KTN1: variants seen among roughly 807,000 people sequenced by gnomAD.
The protein encoded by KTN1 is kinectin 1.
Under a neutral mutation model 222.5 loss-of-function variants are expected in KTN1, and 130 were observed. The ratio of observed to expected loss-of-function variants is 0.58; its 90% confidence interval spans 0.51 to 0.68. The LOEUF (loss-of-function observed/expected upper bound fraction) is 0.68, where lower values mean the gene tolerates loss of function less well. Among genes scored for constraint, KTN1 ranks in the 30% least tolerant of loss-of-function variants. The pLI, the probability that KTN1 is intolerant of heterozygous loss-of-function variation, is 0.00. For missense variants in KTN1, 1,508 were observed against 1,500.4 expected, an observed-to-expected ratio of 1.01 and a Z score of -0.08; for synonymous variants, 512 against 496.3, an observed-to-expected ratio of 1.03 and a Z score of -0.42.
At position 55,652,941 on chromosome 14, in the gene KTN1, G is replaced by T; in HGVS notation, c.2694+1G>T. 6.2e-7 allele frequency: 1 copy of T among 1,606,926 alleles called. No homozygotes were observed. Among genetic ancestry groups the T allele is most frequent in the Non-Finnish European group, 8.5e-7 (1 of 1,175,280 alleles). The stretch of plus-strand genomic sequence containing the variant: ...AGCCAATACAGGGAAGTGGTTACAG[G>T]TGAGAAATTAAAAACAATAAAAAAT... On this transcript the variant is annotated splice_donor_variant, in intron 26 of 43. Transcript: ENST00000395314. LOFTEE classifies it high-confidence loss of function.
intron 20 of KTN1, among the ~76,000 whole-genome samples, chr14:55,648,321 T>A (rs2042600337): frequency 6.6e-6 from 1 of 152,234 alleles, no homozygotes; most frequent in African/African-American, 2.4e-5. Context: ...TAGATACTAT[T>A]GTTATAGTTT....
intron 7 of KTN1, among the ~76,000 whole-genome samples, chr14:55,632,554 G>A (rs80163797): frequency 0.09 from 13,651 of 151,414 alleles, 887 homozygotes; most frequent in Non-Finnish European, 0.13. Flanking sequence ...GGAGTTATTC[G>A]TTAAAAGGTG....
chr14:55,626,186 C>T (rs370192330), intron 5 of KTN1, among the ~76,000 whole-genome samples: 6 of 151,720 alleles, frequency 4.0e-5, no homozygotes, highest in South Asian at 2.1e-4. Flanking sequence ...TGCCTACCTT[C>T]GTTGTCTTTT....
chr14:55,659,545 A>G, intron 30 of KTN1, 121 bp from the exon 31 acceptor site: 1 of 689,036 alleles, frequency 1.5e-6, no homozygotes, highest in Non-Finnish European at 2.6e-6. Flanking sequence ...GGTTACTGGC[A>G]TATGAAATAT....
In KTN1 at chr14:55,616,572, A is replaced by G. The variant is rs1594864583; in HGVS notation, c.579A>G (p.Ala193=). 1.2e-6 allele frequency: 2 copies of G among 1,608,426 alleles called. No homozygotes were observed. Among genetic ancestry groups the G allele is most frequent in the Middle Eastern group, 1.7e-4 (1 of 5,980 alleles). Residue 193 remains alanine (A), a synonymous_variant, in exon 3 of 44, where the codon GCA becomes GCG. Coordinates refer to ENST00000395314, the MANE Select transcript of KTN1 (RefSeq NM_001079521.2). ...TLMVPSKRQE[A]LPLHQETKQE... Reference sequence around the variant, plus strand: ...TGGTACCATCAAAAAGGCAAGAAGCATTGCCCCTCCACCAAGAGACTAAAC... The same window carrying G: ...TGGTACCATCAAAAAGGCAAGAAGCGTTGCCCCTCCACCAAGAGACTAAAC...
At chr14:55,675,971 C>A in intron 41 of KTN1, 53 bp downstream of exon 41, 1 of 1,185,068 alleles carries the variant, frequency 8.4e-7, no homozygotes, top group South Asian at 1.3e-5. Flanking sequence ...GTTGTGTGTT[C>A]AATCTTAAGC....
intron 40 of KTN1, 91 bp from the exon 41 acceptor site, chr14:55,675,744 C>T: frequency 1.3e-6 from 1 of 787,506 alleles, no homozygotes. Context: ...TAACTGTTAG[C>T]AGTCCCATTC....
intron 1 of KTN1, among the ~76,000 whole-genome samples, chr14:55,581,230 T>C (rs10142497): frequency 0.08 from 12,188 of 152,208 alleles, 534 homozygotes; most frequent in South Asian, 0.12. Context: ...GTGCACTAGA[T>C]GTGGGCAGCC....
At chr14:55,633,435 CTT>C (rs1212998686) in intron 8 of KTN1, 94 bp downstream of exon 8, 7 of 694,058 alleles carry the variant, frequency 1.0e-5, no homozygotes, top group Admixed American at 3.8e-5. Flanking sequence ...ATTGGTTAGA[CTT>C]TTGTGTTTTT....
chr14:55,658,437 G>T, intron 29 of KTN1, 109 bp from the exon 30 acceptor site: 1 of 690,338 alleles, frequency 1.4e-6, no homozygotes, highest in Non-Finnish European at 2.6e-6. Flanking sequence ...TAAAATTATT[G>T]CTATTTTGGA....
At chr14:55,606,591 CTA>C (rs758590227) in intron 1 of KTN1, among the ~76,000 whole-genome samples, 23 of 150,478 alleles carry the variant, frequency 1.5e-4, no homozygotes, top group Non-Finnish European at 3.3e-4. Context: ...AACTGAAACA[CTA>C]TAGTAAAAAA....
chr14:55,679,255 C>T (rs746177350), intron 42 of KTN1: 25 of 252,294 alleles, frequency 9.9e-5, no homozygotes, highest in Middle Eastern at 1.2e-3. Flanking sequence ...CTTTCTTTTG[C>T]GGGGCAAATT....
At chr14:55,618,369 C>T (rs1432830197) in intron 4 of KTN1, among the ~76,000 whole-genome samples, 2 of 152,072 alleles carry the variant, frequency 1.3e-5, no homozygotes, top group Non-Finnish European at 2.9e-5. Flanking sequence ...GATTATTTCC[C>T]AGCTACTACT....
intron 28 of KTN1, among the ~76,000 whole-genome samples, chr14:55,654,875 G>T (rs1167069537): frequency 6.6e-6 from 1 of 151,962 alleles, no homozygotes; most frequent in Admixed American, 6.6e-5. Flanking sequence ...CCACATCCCG[G>T]CAGCACCCCC....
At chr14:55,619,957 A>G (rs2038917217) in intron 5 of KTN1, among the ~76,000 whole-genome samples, 1 of 152,196 alleles carries the variant, frequency 6.6e-6, no homozygotes, top group South Asian at 2.1e-4. Flanking sequence ...ATCCGAGACA[A>G]GGCAAGTCCC....
chr14:55,667,444 T>C, intron 34 of KTN1, 114 bp downstream of exon 34: 1 of 538,006 alleles, frequency 1.9e-6, no homozygotes. Context: ...TCTTGATCTT[T>C]CCTATTGTTA....
At chr14:55,678,274 A>C in intron 41 of KTN1, 78 bp from the exon 42 acceptor site, 4 of 912,040 alleles carry the variant, frequency 4.4e-6, no homozygotes, top group Non-Finnish European at 6.9e-6. Flanking sequence ...TATCTTCTAC[A>C]AAATGAATAA....
chr14:55,664,386 TAAC>T (rs781673984), intron 33 of KTN1, among the ~76,000 whole-genome samples: 1 of 152,126 alleles, frequency 6.6e-6, no homozygotes, highest in Non-Finnish European at 1.5e-5. Flanking sequence ...CTAGGTGAAT[TAAC>T]AAACACATTT....
rs764289569 is a variant in KTN1 at position 55,656,099 on chromosome 14, G to T, written c.2859G>T (p.Glu953Asp). 1.9e-6 allele frequency: 3 copies of T among 1,610,494 alleles called. No homozygotes were observed. Among genetic ancestry groups the T allele is most frequent in the Non-Finnish European group, 2.5e-6 (3 of 1,177,154 alleles). Residue 953 changes from glutamate to aspartate, a missense_variant, in exon 29 of 44, where the codon GAG (glutamate) becomes GAT (aspartate). By Grantham distance (45) the Glu-to-Asp change is conservative (BLOSUM62 2). Coordinates refer to ENST00000395314, the MANE Select transcript of KTN1 (RefSeq NM_001079521.2). ...KRLEAMLKER[E>D]SDLSSKTQLL... ...TAGAAGCCATGCTAAAAGAGAGGGAGAGTGATCTTTCTAGCAAAACACAGC... is the reference window on the plus strand; with the variant it reads ...TAGAAGCCATGCTAAAAGAGAGGGATAGTGATCTTTCTAGCAAAACACAGC...
Sources: allele counts gnomAD v4.1 joint callset (sites outside exome capture counted in the v4.1 genomes callset), GRCh38; gene constraint gnomAD v4.1.1; transcripts MANE v1.5; gene names NCBI Gene and HGNC (gene_info 2026-07-23, HGNC 2026-07-21).